Variants in ST3GAL5 observed in about 807,000 individuals in gnomAD.
The protein encoded by ST3GAL5 is lactosylceramide alpha-2,3-sialyltransferase.
Under a neutral mutation model 46.1 loss-of-function variants are expected in ST3GAL5, and 25 were observed. That is an observed-to-expected ratio of 0.54 (90% confidence interval 0.40 to 0.76). The LOEUF is 0.76. ST3GAL5 is among the 30% of genes least tolerant of loss of function. The pLI is 0.00. For synonymous variants in ST3GAL5, 182 were observed against 192.7 expected, an observed-to-expected ratio of 0.94 and a Z score of 0.46; for missense variants, 431 against 521.2, an observed-to-expected ratio of 0.83 and a Z score of 1.69.
chr2:85,876,841 T>G (rs1686634319), intron 1 of ST3GAL5, among the ~76,000 whole-genome samples: 2 of 152,132 alleles, frequency 1.3e-5, no homozygotes, highest in African/African-American at 4.8e-5. Context: ...ACTTCTATAA[T>G]GACCACGGAA....
chr2:85,842,092 G>A (rs949742761), intron 6 of ST3GAL5, among the ~76,000 whole-genome samples: 2 of 152,166 alleles, frequency 1.3e-5, no homozygotes, highest in African/African-American at 4.8e-5. Context: ...GGTGGGATTA[G>A]GGAACATCTA....
At chr2:85,852,587 C>A (rs889893539) in intron 3 of ST3GAL5, among the ~76,000 whole-genome samples, 2 of 152,118 alleles carry the variant, frequency 1.3e-5, no homozygotes, top group Non-Finnish European at 2.9e-5. Context: ...AGGGTGGGGA[C>A]TGACTGCAGA....
At chr2:85,885,621 A>G (rs559736622) in intron 1 of ST3GAL5, among the ~76,000 whole-genome samples, 123 of 152,010 alleles carry the variant, frequency 8.1e-4, no homozygotes, top group Non-Finnish European at 1.4e-3. Flanking sequence ...GAGGTCAGGA[A>G]ATCGAGACCA....
At position 85,844,498 on chromosome 2, in the gene ST3GAL5, C is replaced by G; in HGVS notation, c.906G>C (p.Gln302His). The G allele has an allele frequency of 3.7e-6, 6 of 1,614,162 alleles. No individual in the cohort carries two copies. Among genetic ancestry groups the G allele is most frequent in the Non-Finnish European group, 5.1e-6 (6 of 1,180,028 alleles). The change falls in exon 6 of 7, where the codon CAG (glutamine) becomes CAC (histidine). Residue 302 changes from glutamine to histidine, a missense_variant. Coordinates refer to ENST00000638572, the MANE Select transcript of ST3GAL5 (RefSeq NM_003896.4). ...GATTCAAAATCCTGAAATGTTTTGG[C>G]TGCAGTGGGATTTTTTCTGCCACCT... Reference protein sequence around the residue: ...WKQVAEKIPLQPKHFRILNPV... With the variant: ...WKQVAEKIPLHPKHFRILNPV...
At position 85,847,982 on chromosome 2, in the gene ST3GAL5, G is replaced by A. The variant is rs750698842; in HGVS notation, c.541C>T (p.His181Tyr). 101 of 1,614,142 alleles carry A rather than the reference G, an allele frequency of 6.3e-5. No homozygotes were observed. The highest frequency in any genetic ancestry group is 8.2e-5 in the Non-Finnish European group (97 of 1,180,030). Residue 181 changes from histidine (H) to tyrosine (Y), a missense_variant, in exon 4 of 7, where the codon CAC (histidine) becomes TAC (tyrosine). Physicochemically the swap from His to Tyr is moderately conservative, Grantham distance 83. Coordinates refer to ENST00000638572, the MANE Select transcript of ST3GAL5 (RefSeq NM_003896.4). ...VQTLLELLPE[H>Y]DLPEHLKAKT... The stretch of plus-strand genomic sequence containing the variant: ...GCTTTCAAGTGTTCAGGGAGGTCGT[G>A]CTCTGGCAAGAGTTCCAAGAGGGTC...
At chr2:85,884,086 C>T (rs1157919568) in intron 1 of ST3GAL5, among the ~76,000 whole-genome samples, 5 of 152,176 alleles carry the variant, frequency 3.3e-5, no homozygotes, top group Admixed American at 2.0e-4. Flanking sequence ...TGAGTCTGAA[C>T]CCAGCTCTGC....
chr2:85,882,376 G>T (rs1687253975), intron 1 of ST3GAL5, among the ~76,000 whole-genome samples: 1 of 152,170 alleles, frequency 6.6e-6, no homozygotes. Context: ...CCGTGTGCCT[G>T]GAAAAGCTGT....
At chr2:85,851,794 G>A in intron 3 of ST3GAL5, 1 of 1,142,482 alleles carries the variant, frequency 8.8e-7, no homozygotes, top group Non-Finnish European at 1.2e-6. Flanking sequence ...GGCCTGGGTG[G>A]CATTCATCCA....
chr2:85,886,465 T>C (rs983533902), intron 1 of ST3GAL5, among the ~76,000 whole-genome samples: 1 of 152,008 alleles, frequency 6.6e-6, no homozygotes, highest in African/African-American at 2.4e-5. Flanking sequence ...GCTGAGTGCA[T>C]GGGCATGTTC....
intron 4 of ST3GAL5, chr2:85,846,854 C>T: frequency 3.2e-6 from 1 of 312,654 alleles, no homozygotes; most frequent in Non-Finnish European, 5.9e-6. Context: ...TCTCTGGGTG[C>T]CAGTAAAATA....
At position 85,848,163 on chromosome 2, in the gene ST3GAL5, A is replaced by G; in HGVS notation, c.360T>C (p.Cys120=). The change falls in exon 4 of 7, where the codon TGT becomes TGC. Residue 120 remains cysteine, a synonymous_variant. Coordinates refer to ENST00000638572, the MANE Select transcript of ST3GAL5 (RefSeq NM_003896.4). The stretch of plus-strand genomic sequence containing the variant: ...TTGATGTCTTGGCAAACTTGGGACG[A>G]CATTCCTTCTGCAAGACTTGCTGAG... ...KYAQQVLQKE[C]RPKFAKTSMA... 1 of 1,614,220 alleles carries G rather than the reference A, an allele frequency of 6.2e-7. No individual in the cohort carries two copies. Among genetic ancestry groups the G allele is most frequent in the Non-Finnish European group, 8.5e-7 (1 of 1,180,036 alleles).
chr2:85,861,820 TACACACAC>T (rs148873510), intron 2 of ST3GAL5, among the ~76,000 whole-genome samples: 1 of 149,550 alleles, frequency 6.7e-6, no homozygotes, highest in South Asian at 2.1e-4. Flanking sequence ...TATAGTTTAA[TACACACAC>T]ACACACACAC....
intron 3 of ST3GAL5, among the ~76,000 whole-genome samples, chr2:85,857,977 C>T (rs1684324710): frequency 6.6e-6 from 1 of 152,136 alleles, no homozygotes; most frequent in African/African-American, 2.4e-5. Context: ...GTAACTTATA[C>T]TTTAGATGGC....
At position 85,856,063 on chromosome 2, in the gene ST3GAL5, A is replaced by G. The variant is rs1011561269; in HGVS notation, c.318+5118T>C. 2.6e-5 allele frequency: 4 copies of G among 152,250 alleles called. No homozygotes were observed. In the East Asian group the frequency reaches 5.8e-4, roughly 22 times the overall value. 9.4% of individuals were successfully genotyped at this position (152,250 alleles called of 1,614,324 possible). On this transcript the variant is annotated intron_variant, in intron 3 of 6. Coordinates refer to ENST00000638572, the MANE Select transcript of ST3GAL5 (RefSeq NM_003896.4). ...GTTCCTCAAAAAGCAAAACATAGTT[A>G]CCATATGACCCAGCAACTATATTCC...
chr2:85,863,472 C>T lies in ST3GAL5; in HGVS notation c.96G>A (p.Glu32=), dbSNP rs1573652712. ...CACTTCTCAGTTTCACATAGGTGTA[C>T]TCACTTGGCATTGCTGTGAAGAGAG... ...AAPAGRAMPS[E]YTYVKLRSDC... Residue 32 remains glutamate (E), a synonymous_variant, in exon 2 of 7, where the codon GAG becomes GAA. Coordinates refer to ENST00000638572, the MANE Select transcript of ST3GAL5 (RefSeq NM_003896.4). The T allele has an allele frequency of 1.2e-6, 2 of 1,613,992 alleles. No homozygotes were observed. The highest frequency in any genetic ancestry group is 2.2e-5 in the East Asian group (1 of 44,890).
At chr2:85,880,763 G>C (rs558221891) in intron 1 of ST3GAL5, 16 of 446,414 alleles carry the variant, frequency 3.6e-5, no homozygotes, top group Non-Finnish European at 6.1e-5. Flanking sequence ...GGCTGAGGTT[G>C]CAGTGAGCCA....
At chr2:85,842,873 G>A (rs1682315904) in intron 6 of ST3GAL5, among the ~76,000 whole-genome samples, 1 of 151,536 alleles carries the variant, frequency 6.6e-6, no homozygotes, top group African/African-American at 2.4e-5. Context: ...CGATTCTCCT[G>A]CCTCAGCCTC....
chr2:85,848,804 G>T, intron 3 of ST3GAL5: 1 of 156,254 alleles, frequency 6.4e-6, no homozygotes, highest in Non-Finnish European at 1.4e-5. Context: ...CTGCCAAATG[G>T]TACATTTAAA....
intron 1 of ST3GAL5, among the ~76,000 whole-genome samples, chr2:85,867,380 C>T (rs955859134): frequency 2.0e-5 from 3 of 152,144 alleles, no homozygotes; most frequent in African/African-American, 7.2e-5. Flanking sequence ...TTGAGAAGCA[C>T]TAGCTTAAAG....
Sources: gnomAD v4.1 joint callset for allele counts (sites outside exome capture counted in the v4.1 genomes callset) on GRCh38, gnomAD v4.1.1 for gene constraint, MANE v1.5 for transcripts, NCBI Gene and HGNC (gene_info 2026-07-23, HGNC 2026-07-21) for gene names.